DBH: variants seen among roughly 807,000 people sequenced by gnomAD.
DBH encodes dopamine beta-hydroxylase (dopamine beta-monooxygenase).
A neutral mutation model predicts 64.0 loss-of-function variants in DBH; 49 were observed. The ratio of observed to expected loss-of-function variants is 0.77; its 90% CI spans 0.61 to 0.97. The LOEUF (loss-of-function observed/expected upper bound fraction) is 0.97. Among genes scored for constraint, DBH ranks in the 50% least tolerant of loss-of-function variants. The probability of loss-of-function intolerance (pLI) is 0.00; values close to 1 mark genes in which losing one functional copy is unlikely to be tolerated. For synonymous variants in DBH, 343 were observed against 347.1 expected (o/e 0.99, Z 0.13); for missense variants, 828 against 826.6 (o/e 1.00, Z -0.02).
chr9:133,636,824 T>G, intron 1 of DBH, 114 bp downstream of exon 1: 1 of 992,994 alleles, frequency 1.0e-6, no homozygotes, highest in Non-Finnish European at 1.5e-6. Flanking sequence ...CACCTGTCAG[T>G]GTTTGAGTTG....
intron 6 of DBH, among the ~76,000 whole-genome samples, chr9:133,649,762 G>C (rs1832222626): frequency 1.3e-5 from 2 of 152,248 alleles, no homozygotes; most frequent in Admixed American, 1.3e-4. Context: ...ATGGGGAAGA[G>C]CGGCTTCCGG....
Position 133,643,415 on chromosome 9 carries a change from C to CG in DBH, c.748dup (p.Glu250GlyfsTer9). On this transcript the variant is annotated frameshift_variant, in exon 4 of 12. Transcript: ENST00000393056. LOFTEE classifies it high-confidence loss of function. This position sits in a 1 kb window ranked among gnomAD's most constrained non-coding sequence, Gnocchi z 5.3. ...CTCAGAGGGCTGCCTCCTCACAGTA[C>CG]GAGCCCATCGTCACCAAGGGCAATG... 6.2e-7 allele frequency: 1 copy of CG among 1,613,778 alleles called. No homozygotes were observed. Among genetic ancestry groups the CG allele is most frequent in the Non-Finnish European group, 8.5e-7 (1 of 1,179,990 alleles).
chr9:133,647,994 G>A lies in DBH; in HGVS notation c.1173G>A (p.Thr391=), dbSNP rs201689325. ...ETAFILTGYC[T]DKCTQLALPP... ...CCTTCATCCTCACTGGCTACTGCAC[G>A]GACAAGTGCACCCAGCTGGTGAGTG... Residue 391 remains threonine, a synonymous_variant, in exon 6 of 12, where the codon ACG becomes ACA. Transcript: ENST00000393056. 83 of 1,612,838 alleles carry A rather than the reference G, an allele frequency of 5.1e-5. No homozygotes were observed. The East Asian group carries it at 8.3e-4, about 16-fold the overall frequency.
chr9:133,657,275 C>T (rs1163317932), intron 11 of DBH, 46 bp downstream of exon 11: 1 of 1,610,326 alleles, frequency 6.2e-7, no homozygotes, highest in Non-Finnish European at 8.5e-7. Context: ...AGGCAGGCCT[C>T]ATGGGGGGCC....
At chr9:133,646,671 G>C (rs1199948257) in intron 5 of DBH, among the ~76,000 whole-genome samples, 2 of 144,750 alleles carry the variant, frequency 1.4e-5, no homozygotes, top group African/African-American at 5.3e-5. Context: ...TTATAGGTGC[G>C]TGCCACCACA....
At chr9:133,648,224 A>G (rs762716439) in intron 6 of DBH, among the ~76,000 whole-genome samples, 12 of 152,134 alleles carry the variant, frequency 7.9e-5, no homozygotes, top group Non-Finnish European at 1.6e-4. Flanking sequence ...TCCAGCAATA[A>G]CCATGGCTCC....
In DBH at chr9:133,658,437, G is replaced by T. The variant is rs1175988090; in HGVS notation, c.1844G>T (p.Gly615Val). ...AGPTVVSIGG[G>V]KG is the part of the protein sequence containing the mutation. ...CCCACCGTTGTCAGCATTGGTGGGG[G>T]CAAAGGCTGAGGGGGGACCTACTCC... Residue 615 changes from glycine to valine, a missense_variant, in exon 12 of 12, where the codon GGC (glycine) becomes GTC (valine). Physicochemically the swap from Gly to Val is moderately radical, Grantham distance 109. Coordinates refer to ENST00000393056, the MANE Select transcript of DBH (RefSeq NM_000787.4). 2 of 1,609,494 alleles carry T rather than the reference G, an allele frequency of 1.2e-6. No individual in the cohort carries two copies. Among genetic ancestry groups the T allele is most frequent in the Non-Finnish European group, 1.7e-6 (2 of 1,177,156 alleles).
In DBH at chr9:133,643,348, G is replaced by A; in HGVS notation, c.745-65G>A. ...GATGGGCATTCGGAAGCCCATGGAG[G>A]AGGGCTGCTGGGGAGGGGAGGGTGG... On this transcript the variant is annotated intron_variant, in intron 3 of 11. Transcript: ENST00000393056. The surrounding 1 kb of genome is among the most constrained non-coding windows in gnomAD (Gnocchi z 5.3). The A allele has an allele frequency of 6.5e-7, 1 of 1,549,604 alleles. No homozygotes were observed.
chr9:133,647,057 C>A (rs558710405), intron 5 of DBH, among the ~76,000 whole-genome samples: 1 of 152,180 alleles, frequency 6.6e-6, no homozygotes, highest in Non-Finnish European at 1.5e-5. Flanking sequence ...GCACACAGCA[C>A]GCTGTTGACC....
rs45532735 is a variant in DBH at position 133,658,275 on chromosome 9, C to T, written c.1723-41C>T. On this transcript the variant is annotated intron_variant, in intron 11 of 11. Coordinates refer to ENST00000393056, the MANE Select transcript of DBH (RefSeq NM_000787.4). ...GCTGGGGAAGCAGCCACCCATCTTG[C>T]CCCTCCAGCCTCAGTTTACCTCCTG... 9.9e-4 allele frequency: 1,600 copies of T among 1,611,652 alleles called. 19 individuals are homozygous for T. In the African/African-American group the frequency reaches 0.019, roughly 19 times the overall value.
At chr9:133,640,974 C>A (rs939419203) in intron 2 of DBH, among the ~76,000 whole-genome samples, 3 of 152,082 alleles carry the variant, frequency 2.0e-5, no homozygotes, top group African/African-American at 7.2e-5. Flanking sequence ...TGGTTCCTGG[C>A]CCTAGGGTGA....
At chr9:133,657,412 AGAGGAGAG>A in intron 11 of DBH, 183 bp downstream of exon 11, 1 of 33,892 alleles carries the variant, frequency 3.0e-5, no homozygotes. Flanking sequence ...GAGAGAGGAG[AGAGGAGAG>A]AGAGGAGAGA....
At position 133,643,343 on chromosome 9, in the gene DBH, T is replaced by C. The variant is rs1588348229; in HGVS notation, c.745-70T>C. 4 of 1,464,808 alleles carry C rather than the reference T, an allele frequency of 2.7e-6. No individual in the cohort carries two copies. Among genetic ancestry groups the C allele is most frequent in the Non-Finnish European group, 3.7e-6 (4 of 1,072,640 alleles). The allele number at this position is 1,464,808 out of a possible 1,614,324, so 90.7% of individuals were successfully genotyped here. On this transcript the variant is annotated intron_variant, in intron 3 of 11. Coordinates refer to ENST00000393056, the MANE Select transcript of DBH (RefSeq NM_000787.4). The surrounding 1 kb of genome is among the most constrained non-coding windows in gnomAD (Gnocchi z 5.3). ...TTACAGATGGGCATTCGGAAGCCCA[T>C]GGAGGAGGGCTGCTGGGGAGGGGAG...
chr9:133,639,077 A>G (rs1832086039), intron 1 of DBH, among the ~76,000 whole-genome samples: 1 of 152,040 alleles, frequency 6.6e-6, no homozygotes, highest in African/African-American at 2.4e-5. Flanking sequence ...GAGGGGAACA[A>G]TGCCTAGGCT....
intron 2 of DBH, 91 bp from the exon 3 acceptor site, chr9:133,642,116 G>C (rs1326748955): frequency 2.6e-6 from 4 of 1,540,544 alleles, no homozygotes; most frequent in Non-Finnish European, 3.5e-6. Context: ...TCACCTGGTA[G>C]GTGTGGGTGG....
At chr9:133,656,722 T>C in intron 10 of DBH, 72 bp downstream of exon 10, 1 of 1,582,716 alleles carries the variant, frequency 6.3e-7, no homozygotes, top group Non-Finnish European at 8.6e-7. Context: ...GTTAGGCGGC[T>C]GGGCAGATTG....
At position 133,658,381 on chromosome 9, in the gene DBH, C is replaced by T. The variant is rs61729385; in HGVS notation, c.1788C>T (p.Cys596=). 3.0e-4 allele frequency: 480 copies of T among 1,613,874 alleles called. 3 individuals carry two copies. Among genetic ancestry groups the T allele is most frequent in the Non-Finnish European group, 4.7e-5 (56 of 1,179,856 alleles). The change falls in exon 12 of 12, where the codon TGC becomes TGT. Residue 596 remains cysteine, a synonymous_variant. Coordinates refer to ENST00000393056, the MANE Select transcript of DBH (RefSeq NM_000787.4). ...CACTGGAAGAGCCCACCCCACAGTG[C>T]CCCACCAGCCAGGGCCGAAGCCCTG... ...ISTLEEPTPQ[C]PTSQGRSPAG...
intron 6 of DBH, 31 bp downstream of exon 6, chr9:133,648,043 T>A (rs1832204251): frequency 1.9e-6 from 3 of 1,596,514 alleles, no homozygotes; most frequent in East Asian, 4.5e-5. Flanking sequence ...CACTGCACCC[T>A]CCCTCCTCCC....
In DBH at chr9:133,642,360, A is replaced by C. The variant is rs774811979; in HGVS notation, c.640A>C (p.Met214Leu). Residue 214 changes from methionine to leucine, a missense_variant, in exon 3 of 12, where the codon ATG (methionine) becomes CTG (leucine). Coordinates refer to ENST00000393056, the MANE Select transcript of DBH (RefSeq NM_000787.4). ...EPELPSDACT[M>L]EVQAPNIQIP... is the part of the protein sequence containing the mutation. Reference sequence around the variant, plus strand: ...GGAGTTGCCCTCAGACGCGTGCACCATGGAGGTCCAAGCTCCCAATATCCA... The same window carrying C: ...GGAGTTGCCCTCAGACGCGTGCACCCTGGAGGTCCAAGCTCCCAATATCCA... 8 of 1,614,046 alleles carry C rather than the reference A, an allele frequency of 5.0e-6. No individual in the cohort carries two copies. The African/African-American group carries it at 1.1e-4, about 22-fold the overall frequency.
Sources: gnomAD v4.1 joint callset for allele counts (sites outside exome capture counted in the v4.1 genomes callset) on GRCh38, gnomAD v4.1.1 for gene constraint, Gnocchi (gnomAD v3.1) non-coding constraint, MANE v1.5 for transcripts, NCBI Gene and HGNC (gene_info 2026-07-23, HGNC 2026-07-21) for gene names.